NR2F1-AS1: variants seen among roughly 807,000 people sequenced by gnomAD.
NR2F1-AS1 encodes the protein NR2F1 antisense RNA 1.
chr5:93,577,204 G>C (rs1045276212), intron 1 of NR2F1-AS1, among the ~76,000 whole-genome samples: 1 of 152,236 alleles, frequency 6.6e-6, no homozygotes, highest in East Asian at 1.9e-4. Context: ...AAAAGGAGAA[G>C]TGCTTCCCTT....
At chr5:93,431,000 C>G (rs767072835) in intron 4 of NR2F1-AS1, among the ~76,000 whole-genome samples, 1 of 152,130 alleles carries the variant, frequency 6.6e-6, no homozygotes, top group Non-Finnish European at 1.5e-5. Context: ...TAGCTACCAG[C>G]ATCCCCTGGA....
At chr5:93,524,222 A>T (rs1351173548) in intron 4 of NR2F1-AS1, among the ~76,000 whole-genome samples, 1 of 151,944 alleles carries the variant, frequency 6.6e-6, no homozygotes, top group Non-Finnish European at 1.5e-5. Flanking sequence ...ACAAGCATCA[A>T]AAGCCAAATC....
chr5:93,537,577 G>A (rs1751865297), intron 4 of NR2F1-AS1, among the ~76,000 whole-genome samples: 1 of 152,106 alleles, frequency 6.6e-6, no homozygotes, highest in African/African-American at 2.4e-5. Flanking sequence ...CTAATCAGTA[G>A]GGAAATGCAT....
At chr5:93,488,690 C>G (rs1370048774) in intron 4 of NR2F1-AS1, among the ~76,000 whole-genome samples, 1 of 152,174 alleles carries the variant, frequency 6.6e-6, no homozygotes, top group Admixed American at 6.6e-5. Context: ...GACAGTGTGG[C>G]AGTTCCTCAA....
intron 4 of NR2F1-AS1, among the ~76,000 whole-genome samples, chr5:93,414,814 C>T (rs1002661268): frequency 6.6e-6 from 1 of 152,072 alleles, no homozygotes; most frequent in Admixed American, 6.6e-5. Context: ...TTCTCAATTA[C>T]TTAAGCAATG....
chr5:93,568,128 C>T, intron 1 of NR2F1-AS1, among the ~76,000 whole-genome samples: 1 of 152,234 alleles, frequency 6.6e-6, no homozygotes, highest in South Asian at 2.1e-4. Context: ...AGTTTAAAGA[C>T]TTAAAATTTT....
At chr5:93,508,788 G>A (rs1386096492) in intron 4 of NR2F1-AS1, among the ~76,000 whole-genome samples, 1 of 151,970 alleles carries the variant, frequency 6.6e-6, no homozygotes, top group Non-Finnish European at 1.5e-5. Flanking sequence ...ATAAACATAC[G>A]AAAGGTTGTT....
At position 93,552,297 on chromosome 5, in the gene NR2F1-AS1, G is replaced by A. The variant is rs188792501; in HGVS notation, n.638+1464C>T. The stretch of plus-strand genomic sequence containing the variant: ...CCAAGCTCAATCTTGAATGAAAGTT[G>A]GTACCTATCAGGGAGCAAAGAGGAA... On this transcript the variant is annotated intron_variant and non_coding_transcript_variant, in intron 4 of 5. Transcript: ENST00000660523. 3.3e-5 allele frequency among the ~76,000 whole-genome samples: 5 copies of A among 152,130 alleles called. No individual in the cohort carries two copies. The East Asian group carries it at 9.7e-4, about 29-fold the overall frequency.
At position 93,491,135 on chromosome 5, in the gene NR2F1-AS1, C is replaced by T. The variant is rs547353236; in HGVS notation, n.638+62626G>A. On this transcript the variant is annotated intron_variant and non_coding_transcript_variant, in intron 4 of 5. Coordinates refer to ENST00000660523, the Ensembl canonical transcript of NR2F1-AS1. ...GATGAGAGTGGTGGTGGTGGTAGTC[C>T]CGGTAATGGTGGTGTTTATGGTGGT... is the stretch of plus-strand genomic sequence containing the variant. 2.9e-5 allele frequency among the ~76,000 whole-genome samples: 4 copies of T among 135,988 alleles called. No homozygotes were observed. The South Asian group carries it at 9.5e-4, about 32-fold the overall frequency. 89.2% of individuals were successfully genotyped at this position (135,988 alleles called of 152,430 possible). A position where few individuals can be genotyped will look rare whatever the true frequency, so the allele number is the denominator to read the frequency against.
chr5:93,585,114 CGCGGCGGCGGCG>C, upstream of NR2F1-AS1: 1 of 987,466 alleles, frequency 1.0e-6, no homozygotes, highest in Non-Finnish European at 1.2e-6. Context: ...GCAGGCGGCC[CGCGGCGGCGGCG>C]GCGGCGCCGG....
At chr5:93,521,883 T>C (rs972705041) in intron 4 of NR2F1-AS1, among the ~76,000 whole-genome samples, 9 of 152,222 alleles carry the variant, frequency 5.9e-5, no homozygotes, top group African/African-American at 1.9e-4. Context: ...ATATAAAGCA[T>C]TCTACCATAT....
intron 1 of NR2F1-AS1, among the ~76,000 whole-genome samples, chr5:93,574,653 A>T (rs895041345): frequency 2.0e-5 from 3 of 152,138 alleles, no homozygotes. Context: ...CTTTCCCCTT[A>T]AAAGTGGGGT....
At chr5:93,465,591 T>C (rs554329126) in intron 4 of NR2F1-AS1, among the ~76,000 whole-genome samples, 2 of 152,286 alleles carry the variant, frequency 1.3e-5, no homozygotes, top group Admixed American at 1.3e-4. Flanking sequence ...ACCCAAAGGA[T>C]TATAAATCAT....
At chr5:93,457,485 AT>A (rs1283277247) in intron 4 of NR2F1-AS1, among the ~76,000 whole-genome samples, 1 of 152,026 alleles carries the variant, frequency 6.6e-6, no homozygotes, top group Non-Finnish European at 1.5e-5. Flanking sequence ...AGGCAAAATA[AT>A]TTTTCTTAGT....
At chr5:93,419,202 T>C (rs1749034450) in intron 4 of NR2F1-AS1, among the ~76,000 whole-genome samples, 1 of 152,212 alleles carries the variant, frequency 6.6e-6, no homozygotes, top group African/African-American at 2.4e-5. Context: ...CTCTGTTTAC[T>C]GGCATGAAGC....
intron 4 of NR2F1-AS1, among the ~76,000 whole-genome samples, chr5:93,447,549 G>A (rs1430767497): frequency 1.3e-5 from 2 of 152,132 alleles, no homozygotes; most frequent in Non-Finnish European, 2.9e-5. Context: ...AAAAAGTCAG[G>A]AAACAACAGG....
upstream of NR2F1-AS1, chr5:93,585,197 C>T (rs1191057648): frequency 7.8e-6 from 12 of 1,534,792 alleles, no homozygotes; most frequent in South Asian, 1.4e-4. Context: ...CGGGCCAGCC[C>T]GGAGCGCCCG....
At chr5:93,473,665 T>G (rs1015869215) in intron 4 of NR2F1-AS1, among the ~76,000 whole-genome samples, 1 of 151,138 alleles carries the variant, frequency 6.6e-6, no homozygotes, top group African/African-American at 2.4e-5. Context: ...AAGAATGCTA[T>G]AGTATATTCC....
rs1749258192 is a variant in NR2F1-AS1, at chr5:93,429,205, T to A, written n.639-33663A>T. Among the ~76,000 whole-genome samples the A allele has an allele frequency of 2.0e-5, 3 of 152,006 alleles. No individual in the cohort carries two copies. The South Asian group carries it at 6.2e-4, about 32-fold the overall frequency. On this transcript the variant is annotated intron_variant and non_coding_transcript_variant, in intron 4 of 5. Coordinates refer to ENST00000660523, the Ensembl canonical transcript of NR2F1-AS1. ...ATATGTATGTGGTTCTTTTACTTTA[T>A]TTTTTTTCTTGTTTCCAGTGATGGG... is the stretch of plus-strand genomic sequence containing the variant.
Sources: gnomAD v4.1 joint callset for allele counts (sites outside exome capture counted in the v4.1 genomes callset) on GRCh38, gnomAD v4.1.1 for gene constraint, MANE v1.5 for transcripts, NCBI Gene and HGNC (gene_info 2026-07-23, HGNC 2026-07-21) for gene names.